FUT8: variants seen among roughly 807,000 people sequenced by gnomAD.
FUT8 encodes the protein alpha-(1,6)-fucosyltransferase.
FUT8 carries 29 observed loss-of-function variants against 71.3 expected under a neutral mutation model. The observed-to-expected ratio is 0.41, with a 90% CI of 0.30 to 0.55. The LOEUF is 0.55. Among genes scored for constraint, FUT8 ranks in the 20% least tolerant of loss-of-function variants. The pLI, the probability that FUT8 is intolerant of heterozygous loss-of-function variation, is 0.34. For synonymous variants in FUT8, 254 were observed against 239.3 expected (o/e 1.06, Z -0.57); for missense variants, 544 against 702.1 (o/e 0.77, Z 2.55).
intron 3 of FUT8, among the ~76,000 whole-genome samples, chr14:65,595,022 T>A (rs1430123908): frequency 5.3e-5 from 8 of 152,154 alleles, no homozygotes. Context: ...ATTTCAGACT[T>A]TTCCACTCGA....
At chr14:65,724,978 C>T (rs1436845039) in intron 9 of FUT8, among the ~76,000 whole-genome samples, 2 of 152,042 alleles carry the variant, frequency 1.3e-5, no homozygotes, top group Non-Finnish European at 2.9e-5. Flanking sequence ...GGAATTTGTG[C>T]GAATGTAAAC....
At chr14:65,494,474 A>G (rs1208527273) in intron 2 of FUT8, among the ~76,000 whole-genome samples, 1 of 152,168 alleles carries the variant, frequency 6.6e-6, no homozygotes, top group Non-Finnish European at 1.5e-5. Flanking sequence ...TTACAAGTAG[A>G]TGGCTTATTC....
chr14:65,424,539 C>CTTTT (rs796843891), intron 1 of FUT8, among the ~76,000 whole-genome samples: 105 of 125,324 alleles, frequency 8.4e-4, no homozygotes, highest in Middle Eastern at 4.4e-3. Flanking sequence ...CTTTTCTTTT[C>CTTTT]TTTTTTTTTT....
chr14:65,442,531 A>G (rs908990554), intron 1 of FUT8, among the ~76,000 whole-genome samples: 1 of 151,646 alleles, frequency 6.6e-6, no homozygotes, highest in Non-Finnish European at 1.5e-5. Flanking sequence ...ACATACATAC[A>G]TACATACATA....
chr14:65,363,940 G>A, the FUT8 span, among the ~76,000 whole-genome samples: 7 of 152,256 alleles, frequency 4.6e-5, no homozygotes, highest in African/African-American at 1.7e-4. Flanking sequence ...AACTCAGAAG[G>A]GTAGAGAAAA....
At chr14:65,539,303 G>A (rs568266401) in intron 2 of FUT8, among the ~76,000 whole-genome samples, 20 of 152,144 alleles carry the variant, frequency 1.3e-4, no homozygotes, top group South Asian at 8.3e-4. Flanking sequence ...AACTCTGCCC[G>A]TGAAGAGTAA....
chr14:65,600,290 A>G (rs1888227217), intron 3 of FUT8, among the ~76,000 whole-genome samples: 1 of 152,126 alleles, frequency 6.6e-6, no homozygotes, highest in Non-Finnish European at 1.5e-5. Flanking sequence ...GAGCTTTGTT[A>G]TTTTGTCCTG....
At chr14:65,461,387 T>C (rs12433688) in intron 2 of FUT8, among the ~76,000 whole-genome samples, 2,063 of 152,334 alleles carry the variant, frequency 0.014, 41 homozygotes, top group East Asian at 0.092. Context: ...ACCCTATTTC[T>C]AGCCGTTACA....
intron 7 of FUT8, among the ~76,000 whole-genome samples, chr14:65,695,136 A>ATCCTT (rs143550220): frequency 0.018 from 2,680 of 152,264 alleles, 78 homozygotes; most frequent in African/African-American, 0.061. Flanking sequence ...AAGAATGTGC[A>ATCCTT]TTCTACTGTG....
intron 6 of FUT8, among the ~76,000 whole-genome samples, chr14:65,657,580 C>T (rs1891744378): frequency 6.6e-6 from 1 of 152,066 alleles, no homozygotes; most frequent in African/African-American, 2.4e-5. Flanking sequence ...CAAAGAAAGA[C>T]ACACTTGGCA....
chr14:65,404,875 C>G, the FUT8 span, among the ~76,000 whole-genome samples: 2 of 152,172 alleles, frequency 1.3e-5, no homozygotes, highest in African/African-American at 4.8e-5. Flanking sequence ...ATTTATTAAA[C>G]TGCAATGGTA....
intron 2 of FUT8, among the ~76,000 whole-genome samples, chr14:65,476,992 T>A (rs1014797765): frequency 6.6e-6 from 1 of 152,240 alleles, no homozygotes. Context: ...TTAGATTTAT[T>A]CCAAATGTAA....
intron 7 of FUT8, among the ~76,000 whole-genome samples, chr14:65,710,056 G>A (rs1047981604): frequency 2.0e-5 from 3 of 152,134 alleles, no homozygotes; most frequent in African/African-American, 7.2e-5. Flanking sequence ...AGGAAAAGCA[G>A]TTATTACCCT....
At chr14:65,365,328 C>CTT in the FUT8 span, among the ~76,000 whole-genome samples, 1 of 138,970 alleles carries the variant, frequency 7.2e-6, no homozygotes, top group African/African-American at 2.7e-5. Context: ...ATAAATTCTT[C>CTT]CTCTCTCTCT....
intron 3 of FUT8, among the ~76,000 whole-genome samples, chr14:65,580,122 C>T: frequency 6.8e-6 from 1 of 147,692 alleles, no homozygotes. Context: ...GGATTACATT[C>T]TGAGAAATAC....
At chr14:65,479,372 G>T (rs55698845) in intron 2 of FUT8, among the ~76,000 whole-genome samples, 3 of 152,152 alleles carry the variant, frequency 2.0e-5, no homozygotes, top group Non-Finnish European at 4.4e-5. Context: ...CTGCAGAAAG[G>T]TTGTACCAAT....
chr14:65,726,991 A>G (rs1194271189), intron 9 of FUT8, among the ~76,000 whole-genome samples: 1 of 152,190 alleles, frequency 6.6e-6, no homozygotes, highest in East Asian at 1.9e-4. Flanking sequence ...AAGCTTCAAA[A>G]TGATCTCCTT....
At chr14:65,376,447 G>A in the FUT8 span, among the ~76,000 whole-genome samples, 1 of 85,200 alleles carries the variant, frequency 1.2e-5, no homozygotes, top group African/African-American at 3.6e-5. Flanking sequence ...GTCTCTTCCT[G>A]TCACACAGGC....
At chr14:65,571,384 T>G (rs936192465) in intron 3 of FUT8, among the ~76,000 whole-genome samples, 1 of 152,124 alleles carries the variant, frequency 6.6e-6, no homozygotes, top group African/African-American at 2.4e-5. Context: ...CCAGAAAATG[T>G]GTGGCACAAA....
Sources: allele counts gnomAD v4.1 joint callset (sites outside exome capture counted in the v4.1 genomes callset), GRCh38; gene constraint gnomAD v4.1.1; transcripts MANE v1.5; gene names NCBI Gene and HGNC (gene_info 2026-07-23, HGNC 2026-07-21).